HRH2: variants seen among roughly 807,000 people sequenced by gnomAD.
The protein encoded by HRH2 is histamine receptor H2, also known as histamine H2 receptor.
Under a neutral mutation model 20.1 loss-of-function variants are expected in HRH2, and 4 were observed. That is an observed-to-expected ratio of 0.20 (90% CI 0.10 to 0.45). The LOEUF is 0.45. Ranked by LOEUF, HRH2 falls within the 20% of genes least tolerant of loss-of-function variation. The pLI is 0.99. For synonymous variants in HRH2, 197 were observed against 200.7 expected (o/e 0.98, Z 0.16); for missense variants, 250 against 461.6 (o/e 0.54, Z 4.20).
At chr5:175,707,496 C>T (rs1319715358) in intron 2 of HRH2, among the ~76,000 whole-genome samples, 1 of 152,184 alleles carries the variant, frequency 6.6e-6, no homozygotes, top group Non-Finnish European at 1.5e-5. Flanking sequence ...ATTTGAAGTC[C>T]AGAGACAGTA....
rs1313504800 is a variant in HRH2 at position 175,683,665 on chromosome 5, C to G, written c.432C>G (p.Val144=). ...RVAISLVLIW[V]ISITLSFLSI... is the part of the protein sequence containing the mutation. ...CCATCTCTCTGGTCTTAATTTGGGTCATCTCCATTACCCTGTCCTTTCTGT... is the reference window on the plus strand; with the variant it reads ...CCATCTCTCTGGTCTTAATTTGGGTGATCTCCATTACCCTGTCCTTTCTGT... The change falls in exon 2 of 3, where the codon GTC becomes GTG. Residue 144 remains valine (V), a synonymous_variant. Transcript: ENST00000636584. 1 of 1,614,058 alleles carries G rather than the reference C, an allele frequency of 6.2e-7. No individual in the cohort carries two copies. The highest frequency in any genetic ancestry group is 2.2e-5 in the East Asian group (1 of 44,888).
intron 1 of HRH2, among the ~76,000 whole-genome samples, chr5:175,680,344 A>C (rs533176225): frequency 1.3e-5 from 2 of 152,358 alleles, no homozygotes; most frequent in South Asian, 4.1e-4. Flanking sequence ...GTGTGCGGGC[A>C]GTGCCCAGTG....
chr5:175,668,946 A>G (rs971989378), intron 1 of HRH2, among the ~76,000 whole-genome samples: 5 of 152,168 alleles, frequency 3.3e-5, no homozygotes, highest in African/African-American at 9.7e-5. Flanking sequence ...GTCCACAAAG[A>G]ATCAATCGTG....
At position 175,687,443 on chromosome 5, in the gene HRH2, G is replaced by A. The variant is rs1443405640; in HGVS notation, c.1076+3134G>A. ...CCAGCCTGCCCTGGGTGGGGTGGGG[G>A]CACCGTCGGCCAAGGGGTGACTCCA... On this transcript the variant is annotated intron_variant, in intron 2 of 2. Transcript: ENST00000636584. This position sits in a 1 kb window ranked among gnomAD's most constrained non-coding sequence, Gnocchi z 5.2. Among the ~76,000 whole-genome samples, 1 of 152,194 alleles carries A rather than the reference G, an allele frequency of 6.6e-6. No individual in the cohort carries two copies. Among genetic ancestry groups the A allele is most frequent in the Non-Finnish European group, 1.5e-5 (1 of 68,012 alleles).
At position 175,708,000 on chromosome 5, in the gene HRH2, C is replaced by T. The variant is rs932728192; in HGVS notation, c.*29C>T. ...TAGCCCCAGGACACTGAAGATACCG[C>T]TCCCGGTCCCCAAGATGTGACTCCT... is the stretch of plus-strand genomic sequence containing the variant. On this transcript the variant is annotated 3_prime_UTR_variant, in exon 3 of 3. Transcript: ENST00000636584. 7.5e-6 allele frequency: 3 copies of T among 399,072 alleles called. No individual in the cohort carries two copies. Among genetic ancestry groups the T allele is most frequent in the Non-Finnish European group, 1.3e-5 (3 of 226,180 alleles). The allele number at this position is 399,072 out of a possible 1,614,324, so 24.7% of individuals were successfully genotyped here.
rs1290564839 is a variant in HRH2, at chr5:175,687,140, A to G, written c.1076+2831A>G. 6.6e-6 allele frequency among the ~76,000 whole-genome samples: 1 copy of G among 152,144 alleles called. No homozygotes were observed. The highest frequency in any genetic ancestry group is 2.4e-5 in the African/African-American group (1 of 41,450). The stretch of plus-strand genomic sequence containing the variant: ...GAGCAGGGGCAGAGGGCTTTGGCAG[A>G]GAAGGGTGGGGGAGCCAGTCAGAGG... On this transcript the variant is annotated intron_variant, in intron 2 of 2. Transcript: ENST00000636584. The surrounding 1 kb of genome is among the most constrained non-coding windows in gnomAD (Gnocchi z 5.2).
chr5:175,676,360 G>T (rs974646778), intron 1 of HRH2, among the ~76,000 whole-genome samples: 1 of 152,180 alleles, frequency 6.6e-6, no homozygotes. Flanking sequence ...GCTTGCTACC[G>T]CCCTCAGAGC....
At chr5:175,699,484 C>T (rs1756723409) in intron 2 of HRH2, among the ~76,000 whole-genome samples, 1 of 152,182 alleles carries the variant, frequency 6.6e-6, no homozygotes, top group Non-Finnish European at 1.5e-5. Flanking sequence ...GAAACTGACG[C>T]TCTCAGTCTG....
intron 1 of HRH2, among the ~76,000 whole-genome samples, chr5:175,662,245 G>T (rs1005684742): frequency 2.6e-5 from 4 of 152,078 alleles, no homozygotes; most frequent in African/African-American, 4.8e-5. Flanking sequence ...GAGCCAGGGA[G>T]GTTGGAAAGA....
chr5:175,695,431 C>T (rs1000451673), intron 2 of HRH2, among the ~76,000 whole-genome samples: 28 of 152,170 alleles, frequency 1.8e-4, no homozygotes, highest in African/African-American at 5.3e-4. Flanking sequence ...CACCAGCTCG[C>T]GCAGGAGTAG....
At chr5:175,679,882 G>C (rs1182934102) in intron 1 of HRH2, among the ~76,000 whole-genome samples, 1 of 152,222 alleles carries the variant, frequency 6.6e-6, no homozygotes, top group Non-Finnish European at 1.5e-5. Flanking sequence ...CGGGTATTAA[G>C]TACAGGCCAA....
intron 1 of HRH2, among the ~76,000 whole-genome samples, chr5:175,667,252 TG>T (rs1483554551): frequency 2.0e-5 from 3 of 152,128 alleles, no homozygotes; most frequent in Non-Finnish European, 2.9e-5. Context: ...GCGACCAGTC[TG>T]GCCAACGTGG....
chr5:175,707,254 C>G (rs1478386237), intron 2 of HRH2, among the ~76,000 whole-genome samples: 3 of 152,074 alleles, frequency 2.0e-5, no homozygotes, highest in Non-Finnish European at 4.4e-5. Flanking sequence ...GACAACCCAC[C>G]TCTATAAAAA....
chr5:175,673,407 G>A (rs992060938), intron 1 of HRH2, among the ~76,000 whole-genome samples: 1 of 152,274 alleles, frequency 6.6e-6, no homozygotes, highest in Non-Finnish European at 1.5e-5. Flanking sequence ...AAAAGAATCA[G>A]GGGTCCTTTT....
In HRH2 at chr5:175,686,630, G is replaced by C. The variant is rs530477326; in HGVS notation, c.1076+2321G>C. 9.3e-4 allele frequency among the ~76,000 whole-genome samples: 142 copies of C among 152,322 alleles called. No individual in the cohort carries two copies. The highest frequency in any genetic ancestry group is 3.4e-3 in the African/African-American group (140 of 41,572). On this transcript the variant is annotated intron_variant, in intron 2 of 2. Transcript: ENST00000636584. This position sits in a 1 kb window ranked among gnomAD's most constrained non-coding sequence, Gnocchi z 4.7. ...GGATTGAAGCCCAGATGGGGCTGGCGCATGGGCCCGGGAGCCCATCCCGGA... is the reference window on the plus strand; with the variant it reads ...GGATTGAAGCCCAGATGGGGCTGGCCCATGGGCCCGGGAGCCCATCCCGGA...
At chr5:175,679,378 G>A (rs549506955) in intron 1 of HRH2, among the ~76,000 whole-genome samples, 7 of 152,296 alleles carry the variant, frequency 4.6e-5, no homozygotes, top group African/African-American at 1.4e-4. Context: ...GAGAGAGGAT[G>A]GAGAACCTAC....
chr5:175,705,983 C>T (rs1756932979), intron 2 of HRH2, among the ~76,000 whole-genome samples: 1 of 152,060 alleles, frequency 6.6e-6, no homozygotes, highest in African/African-American at 2.4e-5. Context: ...TGCTCCTGGC[C>T]CTGAAGTACT....
intron 2 of HRH2, among the ~76,000 whole-genome samples, chr5:175,695,624 A>G (rs114418632): frequency 0.041 from 6,173 of 152,278 alleles, 434 homozygotes; most frequent in African/African-American, 0.14. Flanking sequence ...ACTTCCCCTC[A>G]CTGTTTTCTA....
intron 1 of HRH2, among the ~76,000 whole-genome samples, chr5:175,664,554 G>A (rs1320259581): frequency 6.6e-6 from 1 of 152,178 alleles, no homozygotes; most frequent in Admixed American, 6.5e-5. Flanking sequence ...CCAGGGCAGT[G>A]GGGGCAGGCA....
Sources: allele counts gnomAD v4.1 joint callset (sites outside exome capture counted in the v4.1 genomes callset), GRCh38; gene constraint gnomAD v4.1.1; non-coding constraint Gnocchi (gnomAD v3.1); transcripts MANE v1.5; gene names NCBI Gene and HGNC (gene_info 2026-07-23, HGNC 2026-07-21).